Variants in GPC5 observed in about 807,000 individuals in gnomAD.
GPC5 encodes glypican-5.
GPC5 carries 47 observed loss-of-function variants against 53.9 expected under a neutral mutation model. The observed-to-expected ratio is 0.87, with a 90% CI of 0.69 to 1.11. The LOEUF is 1.11. Among genes scored for constraint, GPC5 ranks in the 50% most tolerant of loss-of-function variants. The pLI, the probability that GPC5 is intolerant of heterozygous loss-of-function variation, is 0.00. For missense variants in GPC5, 748 were observed against 713.1 expected (o/e 1.05, Z -0.56); for synonymous variants, 286 against 263.3 (o/e 1.09, Z -0.84).
At position 92,544,300 on chromosome 13, in the gene GPC5, T is replaced by C. The variant is rs191126442; in HGVS notation, c.1562-321982T>C. Among the ~76,000 whole-genome samples the C allele has an allele frequency of 5.3e-5, 8 of 152,164 alleles. No homozygotes were observed. In the East Asian group the frequency reaches 7.7e-4, roughly 15 times the overall value. ...TTTCTGAAGCCTCATCCCAGACCCA[T>C]AGAGACTCTGGAAATACATTGGCAT... On this transcript the variant is annotated intron_variant, in intron 7 of 7. Transcript: ENST00000377067.
intron 7 of GPC5, among the ~76,000 whole-genome samples, chr13:92,178,642 A>C (rs951964095): frequency 6.6e-6 from 1 of 152,062 alleles, no homozygotes; most frequent in Non-Finnish European, 1.5e-5. Context: ...TTTGAGTCCA[A>C]ACTGCTACCA....
At chr13:91,420,471 C>CT (rs1194224621) in intron 1 of GPC5, among the ~76,000 whole-genome samples, 4 of 152,228 alleles carry the variant, frequency 2.6e-5, no homozygotes, top group Admixed American at 6.5e-5. Context: ...GCTGTTTATT[C>CT]TTTTTTTATT....
Position 91,575,403 on chromosome 13 carries a change from C to A in GPC5, c.326-117784C>A, listed in dbSNP as rs2032095023. 2.0e-5 allele frequency among the ~76,000 whole-genome samples: 3 copies of A among 152,072 alleles called. No homozygotes were observed. The South Asian group carries it at 6.2e-4, about 32-fold the overall frequency. ...ATTGCTAATTGATACTTTGAAAAGT[C>A]CTAGTATTATCCACTTAAAGGTAGG... On this transcript the variant is annotated intron_variant, in intron 2 of 7. Coordinates refer to ENST00000377067, the MANE Select transcript of GPC5 (RefSeq NM_004466.6).
intron 1 of GPC5, among the ~76,000 whole-genome samples, chr13:91,406,460 C>T (rs1420959791): frequency 5.3e-5 from 8 of 152,146 alleles, no homozygotes; most frequent in Non-Finnish European, 1.2e-4. Flanking sequence ...TACCCAACTC[C>T]GATTTTTATA....
chr13:91,737,570 T>C (rs2036842260), intron 4 of GPC5, among the ~76,000 whole-genome samples: 3 of 151,350 alleles, frequency 2.0e-5, no homozygotes, highest in Non-Finnish European at 4.4e-5. Context: ...TAAACACTAT[T>C]CTATGTTTGC....
At chr13:92,786,452 T>A (rs1445492755) in intron 7 of GPC5, among the ~76,000 whole-genome samples, 2 of 152,124 alleles carry the variant, frequency 1.3e-5, no homozygotes, top group East Asian at 3.9e-4. Flanking sequence ...TGGTGGGGGA[T>A]CTTAAATGCC....
intron 2 of GPC5, among the ~76,000 whole-genome samples, chr13:91,685,473 G>A (rs940220472): frequency 1.3e-5 from 2 of 152,190 alleles, no homozygotes; most frequent in African/African-American, 2.4e-5. Context: ...GCTTTTGATT[G>A]TCTTTTGGTC....
intron 1 of GPC5, among the ~76,000 whole-genome samples, chr13:91,437,631 T>A (rs543484846): frequency 6.6e-6 from 1 of 152,226 alleles, no homozygotes; most frequent in Non-Finnish European, 1.5e-5. Flanking sequence ...CTGACAATTA[T>A]GTGTCTTGGA....
At chr13:92,204,572 C>A (rs1317831108) in intron 7 of GPC5, among the ~76,000 whole-genome samples, 24 of 152,136 alleles carry the variant, frequency 1.6e-4, no homozygotes, top group Admixed American at 1.6e-3. Context: ...ACACCAACTG[C>A]AAGTTTTGAG....
intron 6 of GPC5, among the ~76,000 whole-genome samples, chr13:92,043,753 A>T (rs1416882716): frequency 6.6e-6 from 1 of 152,214 alleles, no homozygotes; most frequent in African/African-American, 2.4e-5. Flanking sequence ...TGGAAAAATC[A>T]TGTATATGTA....
intron 5 of GPC5, among the ~76,000 whole-genome samples, chr13:91,902,792 G>A (rs1423066761): frequency 6.6e-6 from 1 of 151,866 alleles, no homozygotes; most frequent in Admixed American, 6.6e-5. Context: ...AAGCCTTCAG[G>A]GAAGTGAGGT....
chr13:92,215,323 G>C (rs1314902475), intron 7 of GPC5, among the ~76,000 whole-genome samples: 1 of 152,070 alleles, frequency 6.6e-6, no homozygotes, highest in Admixed American at 6.6e-5. Context: ...GCTCGAACAA[G>C]TTTATTTCCA....
At chr13:92,561,805 A>G (rs1056408200) in intron 7 of GPC5, among the ~76,000 whole-genome samples, 23 of 152,192 alleles carry the variant, frequency 1.5e-4, no homozygotes, top group Admixed American at 5.9e-4. Flanking sequence ...AGCTACTTTT[A>G]TATAGTTCAG....
At chr13:91,855,436 G>C (rs1231650473) in intron 5 of GPC5, among the ~76,000 whole-genome samples, 2 of 151,546 alleles carry the variant, frequency 1.3e-5, no homozygotes, top group African/African-American at 4.8e-5. Flanking sequence ...ATCTTTTCCT[G>C]ATATTATGGA....
At chr13:92,833,881 G>C (rs1475389950) in intron 7 of GPC5, among the ~76,000 whole-genome samples, 2 of 152,174 alleles carry the variant, frequency 1.3e-5, no homozygotes. Flanking sequence ...ACGTTAGAGA[G>C]AGAGGCAGGA....
At chr13:92,247,671 TTG>T (rs1426501587) in intron 7 of GPC5, among the ~76,000 whole-genome samples, 1 of 152,112 alleles carries the variant, frequency 6.6e-6, no homozygotes, top group Non-Finnish European at 1.5e-5. Context: ...AATGAGTGAT[TTG>T]TGTGTGTCTG....
intron 6 of GPC5, among the ~76,000 whole-genome samples, chr13:91,983,654 A>G (rs1481718743): frequency 6.6e-6 from 1 of 152,116 alleles, no homozygotes; most frequent in Non-Finnish European, 1.5e-5. Flanking sequence ...GCATTTTCTA[A>G]TGTGTAGTTC....
intron 7 of GPC5, among the ~76,000 whole-genome samples, chr13:92,264,874 C>CTGTGTGTG (rs1435619957): frequency 8.6e-5 from 10 of 116,624 alleles, no homozygotes; most frequent in East Asian, 6.9e-4. Flanking sequence ...CTCTCTCTCT[C>CTGTGTGTG]TCTCTGTGTG....
chr13:91,781,108 G>T (rs559113384), intron 5 of GPC5, among the ~76,000 whole-genome samples: 1 of 152,310 alleles, frequency 6.6e-6, no homozygotes, highest in East Asian at 1.9e-4. Flanking sequence ...AAGCTGAGGT[G>T]CTTGTGCACA....
Sources: allele counts gnomAD v4.1 joint callset (sites outside exome capture counted in the v4.1 genomes callset), GRCh38; gene constraint gnomAD v4.1.1; transcripts MANE v1.5; gene names NCBI Gene and HGNC (gene_info 2026-07-23, HGNC 2026-07-21).